MACROD1: variants seen among roughly 807,000 people sequenced by gnomAD.
MACROD1 encodes the protein ADP-ribose glycohydrolase MACROD1.
A neutral mutation model predicts 41.4 loss-of-function variants in MACROD1; 31 were observed. The observed-to-expected ratio is 0.75, with a 90% CI of 0.56 to 1.01. MACROD1 has a LOEUF of 1.01. Among genes scored for constraint, MACROD1 ranks in the 50% least tolerant of loss-of-function variants. MACROD1 has a pLI of 0.00. For synonymous variants in MACROD1, 252 were observed against 203.4 expected (o/e 1.24, Z -2.03); for missense variants, 473 against 460.0 (o/e 1.03, Z -0.26).
intron 3 of MACROD1, among the ~76,000 whole-genome samples, chr11:64,042,475 G>A (rs1228765209): frequency 6.6e-6 from 1 of 152,202 alleles, no homozygotes; most frequent in African/African-American, 2.4e-5. Flanking sequence ...TGCTCCAATA[G>A]AGGAGGCCCT....
At position 64,082,188 on chromosome 11, in the gene MACROD1, GCAGGCGCGA is replaced by G. The variant is rs1944315943; in HGVS notation, c.518-66916_518-66908del. On this transcript the variant is annotated intron_variant, in intron 3 of 10. Transcript: ENST00000255681. The surrounding 1 kb of genome is among the most constrained non-coding windows in gnomAD (Gnocchi z 4.5). Reference sequence around the variant, plus strand: ...AGCCAGGAGCAGGCCAGAGCCAGGAGCAGGCGCGAAACATCCCTTAAATATTGGTGCTCT... The same window carrying G: ...AGCCAGGAGCAGGCCAGAGCCAGGAGAACATCCCTTAAATATTGGTGCTCT... 1 of 152,402 alleles carries G rather than the reference GCAGGCGCGA, an allele frequency of 6.6e-6. No individual in the cohort carries two copies. Among genetic ancestry groups the G allele is most frequent in the Non-Finnish European group, 1.5e-5 (1 of 68,228 alleles). 9.4% of individuals were successfully genotyped at this position (152,402 alleles called of 1,614,324 possible). A position where few individuals can be genotyped will look rare whatever the true frequency, so the allele number is the denominator to read the frequency against.
At chr11:64,142,178 C>G (rs1010782436) in intron 3 of MACROD1, among the ~76,000 whole-genome samples, 3 of 152,148 alleles carry the variant, frequency 2.0e-5, no homozygotes, top group Non-Finnish European at 1.5e-5. Flanking sequence ...GTCACTGATT[C>G]GTGCAGCCCC....
At chr11:64,151,538 A>G (rs1307277485) in intron 2 of MACROD1, among the ~76,000 whole-genome samples, 183 bp from the exon 3 acceptor site, 1 of 152,178 alleles carries the variant, frequency 6.6e-6, no homozygotes, top group Non-Finnish European at 1.5e-5. Flanking sequence ...TGCGTGCTAA[A>G]ATCACGCGGG....
intron 3 of MACROD1, chr11:64,117,373 A>C: frequency 6.2e-7 from 1 of 1,613,086 alleles, no homozygotes; most frequent in Non-Finnish European, 8.5e-7. Context: ...ATGGCCATCA[A>C]GGACATTACC....
rs573780646 is a variant in MACROD1, at chr11:64,065,279, G to A, written c.518-49998C>T. On this transcript the variant is annotated intron_variant, in intron 3 of 10. Coordinates refer to ENST00000255681, the MANE Select transcript of MACROD1 (RefSeq NM_014067.4). The stretch of plus-strand genomic sequence containing the variant: ...AGTGAGGCGGTGGGTGGGCAGGATC[G>A]GGCAGGTGGCGGGCAAGCGTCAGCT... Among the ~76,000 whole-genome samples, 4 of 152,294 alleles carry A rather than the reference G, an allele frequency of 2.6e-5. No homozygotes were observed. In the South Asian group the frequency reaches 6.2e-4, roughly 24 times the overall value.
At chr11:64,073,704 G>A (rs189097782) in intron 3 of MACROD1, among the ~76,000 whole-genome samples, 138 of 152,342 alleles carry the variant, frequency 9.1e-4, no homozygotes, top group Non-Finnish European at 1.3e-3. Flanking sequence ...GTGCGTGCGC[G>A]TGGGTTCTCG....
chr11:64,098,204 TC>T (rs978114286), intron 3 of MACROD1, among the ~76,000 whole-genome samples: 2 of 152,006 alleles, frequency 1.3e-5, no homozygotes, highest in African/African-American at 4.8e-5. Flanking sequence ...CCTCACAGCC[TC>T]CCCCCTGCCC....
chr11:64,104,887 G>C (rs1163773601), intron 3 of MACROD1, among the ~76,000 whole-genome samples: 1 of 152,236 alleles, frequency 6.6e-6, no homozygotes, highest in Non-Finnish European at 1.5e-5. Context: ...CAGGAGGCCA[G>C]AGGGAGAGGC....
intron 3 of MACROD1, among the ~76,000 whole-genome samples, chr11:64,028,626 G>GT (rs1943254037): frequency 6.6e-6 from 1 of 152,198 alleles, no homozygotes; most frequent in South Asian, 2.1e-4. Flanking sequence ...CAGCGTGCTG[G>GT]TTGCTGGGCA....
chr11:64,016,780 G>C (rs1031625975), intron 3 of MACROD1, among the ~76,000 whole-genome samples: 2 of 152,210 alleles, frequency 1.3e-5, no homozygotes, highest in Admixed American at 6.5e-5. Context: ...CGGGAAGTGA[G>C]GGGGAGGTGA....
chr11:64,117,694 C>G, intron 3 of MACROD1: 1 of 1,613,580 alleles, frequency 6.2e-7, no homozygotes, highest in South Asian at 1.1e-5. Context: ...CACAGCCCAG[C>G]CGTGGGCTCC....
chr11:64,044,918 C>A (rs1943556451), intron 3 of MACROD1, among the ~76,000 whole-genome samples: 1 of 152,190 alleles, frequency 6.6e-6, no homozygotes, highest in African/African-American at 2.4e-5. Context: ...GGGGCTGGTA[C>A]TGACAGTAGG....
At chr11:64,113,314 A>G (rs975609906) in intron 3 of MACROD1, among the ~76,000 whole-genome samples, 9 of 152,398 alleles carry the variant, frequency 5.9e-5, no homozygotes, top group African/African-American at 1.9e-4. Context: ...TGGCTACAAC[A>G]GGGCCTGGAA....
intron 3 of MACROD1, chr11:64,116,237 A>G (rs1944976873): frequency 6.3e-6 from 10 of 1,576,680 alleles, no homozygotes; most frequent in Non-Finnish European, 8.6e-6. Context: ...GCTCCAGGCC[A>G]GGTGGGGCCG....
At chr11:64,092,592 G>A (rs1005222618) in intron 3 of MACROD1, among the ~76,000 whole-genome samples, 9 of 152,200 alleles carry the variant, frequency 5.9e-5, no homozygotes, top group Admixed American at 2.0e-4. Flanking sequence ...CCTCTGCCCC[G>A]TCCACTCCCA....
intron 3 of MACROD1, among the ~76,000 whole-genome samples, chr11:64,022,669 G>T (rs901275941): frequency 2.0e-5 from 3 of 152,178 alleles, no homozygotes; most frequent in Non-Finnish European, 4.4e-5. Context: ...CTCAAGCTGT[G>T]AGAGCAGTTG....
rs935008018 is a variant in MACROD1, at chr11:64,085,765, G to C, written c.517+65474C>G. ...GTCCATTGGGGGCCTGCTTCTCCCA[G>C]CAACCTTAACTTCTCAGGCCTCAGT... is the stretch of plus-strand genomic sequence containing the variant. On this transcript the variant is annotated intron_variant, in intron 3 of 10. Coordinates refer to ENST00000255681, the MANE Select transcript of MACROD1 (RefSeq NM_014067.4). Among the ~76,000 whole-genome samples the C allele has an allele frequency of 3.9e-5, 6 of 152,206 alleles. No individual in the cohort carries two copies. The East Asian group carries it at 9.6e-4, about 24-fold the overall frequency.
chr11:64,113,906 G>GGATA (rs1944914554), intron 3 of MACROD1, among the ~76,000 whole-genome samples: 1 of 150,662 alleles, frequency 6.6e-6, no homozygotes, highest in East Asian at 2.0e-4. Context: ...ATGGATGGAT[G>GGATA]GATGGACAGG....
chr11:64,143,791 C>CACACACACACAT (rs1409452854), intron 3 of MACROD1, among the ~76,000 whole-genome samples: 1 of 146,256 alleles, frequency 6.8e-6, no homozygotes, highest in African/African-American at 2.5e-5. Context: ...CACACACACA[C>CACACACACACAT]ACACACACAC....
Sources: allele counts gnomAD v4.1 joint callset (sites outside exome capture counted in the v4.1 genomes callset), GRCh38; gene constraint gnomAD v4.1.1; non-coding constraint Gnocchi (gnomAD v3.1); transcripts MANE v1.5; gene names NCBI Gene and HGNC (gene_info 2026-07-23, HGNC 2026-07-21).